Variants in RAB11FIP4 observed in about 807,000 individuals in gnomAD.
RAB11FIP4 encodes the protein RAB11 family interacting protein 4.
Under a neutral mutation model 74.3 loss-of-function variants are expected in RAB11FIP4, and 23 were observed. The observed-to-expected ratio is 0.31, with a 90% CI of 0.22 to 0.44. The LOEUF (loss-of-function observed/expected upper bound fraction) is 0.44, where lower values mean the gene tolerates loss of function less well. RAB11FIP4 is among the 20% of genes least tolerant of loss of function. The probability of loss-of-function intolerance (pLI) is 1.00; values close to 1 mark genes in which losing one functional copy is unlikely to be tolerated. For synonymous variants in RAB11FIP4, 360 were observed against 359.9 expected (o/e 1.00, Z 0.00); for missense variants, 630 against 863.9 (o/e 0.73, Z 3.39).
intron 3 of RAB11FIP4, among the ~76,000 whole-genome samples, chr17:31,504,548 G>A (rs894354294): frequency 6.6e-6 from 1 of 152,200 alleles, no homozygotes; most frequent in Admixed American, 6.5e-5. Flanking sequence ...GATTACAGGC[G>A]TGAGCCACCG....
At chr17:31,410,826 CT>C (rs1029836146) in intron 1 of RAB11FIP4, among the ~76,000 whole-genome samples, 1 of 152,170 alleles carries the variant, frequency 6.6e-6, no homozygotes, top group African/African-American at 2.4e-5. Context: ...AGACCAGCTC[CT>C]GCCACTCCCT....
rs1266509975 is a variant in RAB11FIP4 at position 31,475,236 on chromosome 17, G to C, written c.336+41114G>C. Among the ~76,000 whole-genome samples, 8 of 152,216 alleles carry C rather than the reference G, an allele frequency of 5.3e-5. No individual in the cohort carries two copies. In the East Asian group the frequency reaches 1.5e-3, roughly 29 times the overall value. On this transcript the variant is annotated intron_variant, in intron 3 of 14. Transcript: ENST00000621161. ...GGGAGGTCACTGGGCATGGTCACTG[G>C]CTGTGAGTGAGTGGTGGGAAGCAGT...
intron 3 of RAB11FIP4, among the ~76,000 whole-genome samples, chr17:31,473,951 C>T (rs1442072595): frequency 1.3e-5 from 2 of 152,180 alleles, no homozygotes; most frequent in Admixed American, 1.3e-4. Flanking sequence ...GATGACAGAC[C>T]CATCCTGGGG....
chr17:31,457,634 C>A (rs1277090519), intron 3 of RAB11FIP4, among the ~76,000 whole-genome samples: 1 of 151,960 alleles, frequency 6.6e-6, no homozygotes, highest in Non-Finnish European at 1.5e-5. Flanking sequence ...AGAGACCCAG[C>A]GGGAGCTTTG....
intron 3 of RAB11FIP4, among the ~76,000 whole-genome samples, chr17:31,438,783 G>A (rs753284815): frequency 4.6e-5 from 7 of 152,034 alleles, no homozygotes; most frequent in African/African-American, 9.7e-5. Context: ...CCTCCCTCCC[G>A]CTTCCTTGTC....
chr17:31,452,117 T>C (rs1229992369), intron 3 of RAB11FIP4, among the ~76,000 whole-genome samples: 15 of 152,166 alleles, frequency 9.9e-5, no homozygotes, highest in Admixed American at 9.8e-4. Context: ...CTAGAACTTA[T>C]TTCTTCTCTC....
chr17:31,448,982 A>G (rs924652769), intron 3 of RAB11FIP4, among the ~76,000 whole-genome samples: 2 of 151,998 alleles, frequency 1.3e-5, no homozygotes, highest in Admixed American at 1.3e-4. Flanking sequence ...GCAATGGATT[A>G]ATGTTTCTAA....
intron 1 of RAB11FIP4, among the ~76,000 whole-genome samples, chr17:31,423,802 A>G (rs2071221943): frequency 6.6e-6 from 1 of 152,130 alleles, no homozygotes. Flanking sequence ...ATGGGATCAT[A>G]TTCTCAAGCT....
At chr17:31,492,536 G>A (rs1377228045) in intron 3 of RAB11FIP4, among the ~76,000 whole-genome samples, 1 of 152,108 alleles carries the variant, frequency 6.6e-6, no homozygotes, top group Non-Finnish European at 1.5e-5. Context: ...GCCTGACCAC[G>A]GTTCCAAGCA....
intron 1 of RAB11FIP4, among the ~76,000 whole-genome samples, chr17:31,424,645 G>A (rs57071352): frequency 0.016 from 2,404 of 148,316 alleles, 60 homozygotes; most frequent in African/African-American, 0.058. Flanking sequence ...GCACGATCTC[G>A]GCTCACTGCA....
chr17:31,525,474 A>C, intron 10 of RAB11FIP4: 4 of 529,452 alleles, frequency 7.6e-6, no homozygotes, highest in Non-Finnish European at 3.3e-6. Context: ...AACCACACAA[A>C]TGTCTGTCAG....
At chr17:31,492,602 C>T (rs2072031640) in intron 3 of RAB11FIP4, among the ~76,000 whole-genome samples, 1 of 152,196 alleles carries the variant, frequency 6.6e-6, no homozygotes, top group Non-Finnish European at 1.5e-5. Context: ...CCCCCAGAAG[C>T]CTGGACTGCA....
Position 31,533,237 on chromosome 17 carries a change from C to T in RAB11FIP4, c.*1505C>T, listed in dbSNP as rs916430814. 1.3e-5 allele frequency: 2 copies of T among 152,158 alleles called. No individual in the cohort carries two copies. The highest frequency in any genetic ancestry group is 2.9e-5 in the Non-Finnish European group (2 of 68,052). 9.4% of individuals were successfully genotyped at this position (152,158 alleles called of 1,614,324 possible). A position where few individuals can be genotyped will look rare whatever the true frequency, so the allele number is the denominator to read the frequency against. On this transcript the variant is annotated 3_prime_UTR_variant, in exon 15 of 15. Transcript: ENST00000621161. ...GAGGCAGGGCTGTGGCCAGGACCAA[C>T]CTTCAATTCCATTCCAATCAGCCTT...
At chr17:31,446,653 C>T (rs575161999) in intron 3 of RAB11FIP4, among the ~76,000 whole-genome samples, 1 of 151,946 alleles carries the variant, frequency 6.6e-6, no homozygotes, top group Non-Finnish European at 1.5e-5. Flanking sequence ...AAAGACCCCC[C>T]CCACGTCTTT....
At chr17:31,445,629 A>G (rs1267704161) in intron 3 of RAB11FIP4, among the ~76,000 whole-genome samples, 1 of 128,120 alleles carries the variant, frequency 7.8e-6, no homozygotes, top group African/African-American at 3.0e-5. Flanking sequence ...TCTGTCACCC[A>G]GGCTGGAGTG....
intron 3 of RAB11FIP4, among the ~76,000 whole-genome samples, chr17:31,499,360 TTTC>T (rs2072175240): frequency 6.6e-6 from 1 of 152,100 alleles, no homozygotes; most frequent in African/African-American, 2.4e-5. Flanking sequence ...TCTTCCTTTC[TTTC>T]TTCTTTTTTT....
At chr17:31,400,966 C>T (rs1400895582) in intron 1 of RAB11FIP4, among the ~76,000 whole-genome samples, 1 of 152,022 alleles carries the variant, frequency 6.6e-6, no homozygotes, top group African/African-American at 2.4e-5. Flanking sequence ...TGTGGTCTGG[C>T]CCCCTTTAAA....
chr17:31,475,751 G>A (rs550309395), intron 3 of RAB11FIP4, among the ~76,000 whole-genome samples: 155 of 150,820 alleles, frequency 1.0e-3, no homozygotes, highest in African/African-American at 3.7e-3. Context: ...GTAAACAAGT[G>A]TCCTCTTCAC....
chr17:31,531,749 C>T lies in RAB11FIP4; in HGVS notation c.*17C>T, dbSNP rs746508383. On this transcript the variant is annotated 3_prime_UTR_variant, in exon 15 of 15. Transcript: ENST00000621161. Reference sequence around the variant, plus strand: ...AAACACTAAGGCACGGGGCTGGCTGCAGAGCAGCCTTAGGACCCTGGGACC... The same window carrying T: ...AAACACTAAGGCACGGGGCTGGCTGTAGAGCAGCCTTAGGACCCTGGGACC... 7 of 1,563,124 alleles carry T rather than the reference C, an allele frequency of 4.5e-6. No individual in the cohort carries two copies. Among genetic ancestry groups the T allele is most frequent in the Admixed American group, 1.7e-5 (1 of 59,902 alleles).
Sources: gnomAD v4.1 joint callset for allele counts (sites outside exome capture counted in the v4.1 genomes callset) on GRCh38, gnomAD v4.1.1 for gene constraint, MANE v1.5 for transcripts, NCBI Gene and HGNC (gene_info 2026-07-23, HGNC 2026-07-21) for gene names.